The following XRRA1 variants were observed in gnomAD, a reference collection of about 807,000 sequenced individuals.
The protein encoded by XRRA1 is X-ray radiation resistance associated 1.
In XRRA1, 69 loss-of-function variants were observed where a neutral mutation model predicts 80.2. The observed-to-expected ratio is 0.86, with a 90% CI of 0.71 to 1.05. The LOEUF (loss-of-function observed/expected upper bound fraction) is 1.05. XRRA1 is among the 50% of genes least tolerant of loss of function. The probability of loss-of-function intolerance (pLI) is 0.00; values close to 1 mark genes in which losing one functional copy is unlikely to be tolerated. For missense variants in XRRA1, 967 were observed against 976.4 expected (o/e 0.99, Z 0.13); for synonymous variants, 348 against 389.9 (o/e 0.89, Z 1.27).
At chr11:74,934,414 CA>C (rs1374134849) in intron 4 of XRRA1, among the ~76,000 whole-genome samples, 1 of 151,968 alleles carries the variant, frequency 6.6e-6, no homozygotes, top group African/African-American at 2.4e-5. Context: ...ATTGGGAAGA[CA>C]ATGAAGAAAA....
At chr11:74,876,064 C>A (rs1292580848) in intron 10 of XRRA1, among the ~76,000 whole-genome samples, 1 of 152,166 alleles carries the variant, frequency 6.6e-6, no homozygotes, top group Admixed American at 6.5e-5. Flanking sequence ...AAAAGGCCTC[C>A]AAGGTAATAA....
chr11:74,930,834 C>T (rs1185272871), intron 5 of XRRA1, among the ~76,000 whole-genome samples: 2 of 152,154 alleles, frequency 1.3e-5, no homozygotes, highest in African/African-American at 4.8e-5. Flanking sequence ...GACAGGGTCT[C>T]ACTTCCATTG....
intron 10 of XRRA1, among the ~76,000 whole-genome samples, chr11:74,867,917 CT>C (rs60520990): frequency 9.4e-6 from 1 of 106,742 alleles, no homozygotes; most frequent in Non-Finnish European, 1.8e-5. Flanking sequence ...TATAGTCAAT[CT>C]TTTTTTTTTT....
intron 12 of XRRA1, among the ~76,000 whole-genome samples, chr11:74,855,901 G>A (rs1178395079): frequency 2.0e-5 from 3 of 152,192 alleles, no homozygotes; most frequent in African/African-American, 4.8e-5. Flanking sequence ...TTGGGAAGCT[G>A]AGGCAGGTGG....
intron 7 of XRRA1, among the ~76,000 whole-genome samples, chr11:74,924,436 T>C (rs1178853296): frequency 6.7e-6 from 1 of 148,164 alleles, no homozygotes; most frequent in African/African-American, 2.5e-5. Context: ...ATCGCGCCAC[T>C]GCACTCCAGC....
chr11:74,915,568 G>A (rs930989280), intron 8 of XRRA1, among the ~76,000 whole-genome samples: 1 of 152,138 alleles, frequency 6.6e-6, no homozygotes, highest in African/African-American at 2.4e-5. Context: ...AATTTCTAGA[G>A]GGATTATACA....
At chr11:74,933,637 G>A in intron 5 of XRRA1, 164 bp downstream of exon 5, 1 of 601,648 alleles carries the variant, frequency 1.7e-6, no homozygotes, top group Non-Finnish European at 3.0e-6. Flanking sequence ...TCTGAATATT[G>A]TTTCAACCCA....
At chr11:74,866,654 T>TAA (rs57326749) in intron 10 of XRRA1, among the ~76,000 whole-genome samples, 3,399 of 135,358 alleles carry the variant, frequency 0.025, 55 homozygotes, top group African/African-American at 0.038. Flanking sequence ...TTGAAATAAT[T>TAA]AAAAAAAAAA....
At chr11:74,927,016 A>C (rs949185547) in intron 7 of XRRA1, among the ~76,000 whole-genome samples, 1 of 151,956 alleles carries the variant, frequency 6.6e-6, no homozygotes, top group Non-Finnish European at 1.5e-5. Context: ...CTTAAGCTCC[A>C]TGGCTCCTCA....
Position 74,907,182 on chromosome 11 carries a change from T to G in XRRA1, c.748A>C (p.Asn250His). ...GCCAGGCTGGCAAAGCAACTGGGGT[T>G]GGAGAGTCTGTTGTCATCCAGCATC... ...TLMLDDNRLS[N>H]PSCFASLAGL... Residue 250 changes from asparagine (N) to histidine (H), a missense_variant, in exon 9 of 19, where the codon AAC becomes CAC. By Grantham distance (68) the Asn-to-His change is moderately conservative. Coordinates refer to ENST00000684022, the MANE Select transcript of XRRA1 (RefSeq NM_001378157.1). 1 of 1,613,988 alleles carries G rather than the reference T, an allele frequency of 6.2e-7. No individual in the cohort carries two copies.
At chr11:74,869,136 A>G (rs1244308641) in intron 10 of XRRA1, among the ~76,000 whole-genome samples, 1 of 152,192 alleles carries the variant, frequency 6.6e-6, no homozygotes, top group Non-Finnish European at 1.5e-5. Flanking sequence ...AAAAAATGAA[A>G]TCATACTAAC....
chr11:74,923,295 T>C (rs1317076970), intron 7 of XRRA1, among the ~76,000 whole-genome samples: 1 of 152,218 alleles, frequency 6.6e-6, no homozygotes, highest in Non-Finnish European at 1.5e-5. Context: ...AAGAAATGGC[T>C]TGATAGGACT....
chr11:74,893,938 T>C (rs1014106390), intron 10 of XRRA1, among the ~76,000 whole-genome samples: 8 of 152,226 alleles, frequency 5.3e-5, no homozygotes, highest in Non-Finnish European at 1.0e-4. Context: ...TACAAAGATA[T>C]ATGCACATGT....
rs35763136 is a variant in XRRA1, at chr11:74,918,299, A to AGTGTGTGT, written c.656+2907_656+2914dup. On this transcript the variant is annotated intron_variant, in intron 8 of 18. Transcript: ENST00000684022. Reference sequence around the variant, plus strand: ...TTCGTGTGCATTTTCTTCCTTCCTTAGTGTGTGTGTGTGTGTGTGTGTGTG... The same window carrying AGTGTGTGT: ...TTCGTGTGCATTTTCTTCCTTCCTTAGTGTGTGTGTGTGTGTGTGTGTGTGTGTGTGTG... Among the ~76,000 whole-genome samples the AGTGTGTGT allele has an allele frequency of 3.0e-3, 446 of 150,148 alleles. 1 individual carries two copies. Among genetic ancestry groups the AGTGTGTGT allele is most frequent in the Middle Eastern group, 7.0e-3 (2 of 284 alleles).
At chr11:74,896,162 T>C (rs2052261001) in intron 10 of XRRA1, among the ~76,000 whole-genome samples, 1 of 151,944 alleles carries the variant, frequency 6.6e-6, no homozygotes, top group African/African-American at 2.4e-5. Flanking sequence ...TAAAAGAGAG[T>C]TTGTCTTGCA....
chr11:74,930,317 T>C lies in XRRA1; in HGVS notation c.407A>G (p.Glu136Gly). Reference protein sequence around the residue: ...FHSVIYINASENLLPLEAFHT... With the variant: ...FHSVIYINASGNLLPLEAFHT... Reference sequence around the variant, plus strand: ...AAGCTTACCTAGAGGCAGCAGGTTTTCTGAGGCATTGATATAAATCACAGA... The same window carrying C: ...AAGCTTACCTAGAGGCAGCAGGTTTCCTGAGGCATTGATATAAATCACAGA... The change falls in exon 6 of 19, where the codon GAA (glutamate) becomes GGA (glycine). Residue 136 changes from glutamate to glycine, a missense_variant. Transcript: ENST00000684022. 6.4e-7 allele frequency: 1 copy of C among 1,571,422 alleles called. No homozygotes were observed. The highest frequency in any genetic ancestry group is 8.6e-7 in the Non-Finnish European group (1 of 1,156,730).
At position 74,906,255 on chromosome 11, in the gene XRRA1, CTT is replaced by C. The variant is rs774769539; in HGVS notation, c.985_986del (p.Lys329GlyfsTer3). The C allele has an allele frequency of 6.2e-7, 1 of 1,613,742 alleles. No homozygotes were observed. Among genetic ancestry groups the C allele is most frequent in the Non-Finnish European group, 8.5e-7 (1 of 1,179,786 alleles). On this transcript the variant is annotated frameshift_variant, in exon 10 of 19. Coordinates refer to ENST00000684022, the MANE Select transcript of XRRA1 (RefSeq NM_001378157.1). LOFTEE classifies it high-confidence loss of function. ...GTCACTCACCTGTCCGGTCAACATC[CTT>C]TTTCATGGGCAGTACAGTATAATCC... ...QLDYTVLPMK[K>X]DVDRTEVVFS...
At position 74,933,854 on chromosome 11, in the gene XRRA1, TCA is replaced by T. The variant is rs1944260101; in HGVS notation, c.296_297del (p.Val99GlufsTer10). 6.2e-7 allele frequency: 1 copy of T among 1,605,180 alleles called. No homozygotes were observed. Among genetic ancestry groups the T allele is most frequent in the South Asian group, 1.1e-5 (1 of 88,644 alleles). ...DQAFLLKHHC[V>X]RKPSDLCTIN... ...ATGGTGCACAGATCTGATGGCTTCC[TCA>T]CACAGTGGTGCTTCAGCTGGAACAT... On this transcript the variant is annotated frameshift_variant, in exon 5 of 19. Coordinates refer to ENST00000684022, the MANE Select transcript of XRRA1 (RefSeq NM_001378157.1). LOFTEE classifies it high-confidence loss of function.
At position 74,842,073 on chromosome 11, in the gene XRRA1, T is replaced by C. The variant is rs1261693665; in HGVS notation, c.*1127A>G. 6.6e-6 allele frequency: 1 copy of C among 152,184 alleles called. No individual in the cohort carries two copies. The highest frequency in any genetic ancestry group is 6.5e-5 in the Admixed American group (1 of 15,286). 9.4% of individuals were successfully genotyped at this position (152,184 alleles called of 1,614,324 possible). ...ACTCTTTGTACAAATATTATTGTCC[T>C]AAGGGCCTTTTCCCCTCCTGCCTAG... On this transcript the variant is annotated 3_prime_UTR_variant, in exon 19 of 19. Coordinates refer to ENST00000684022, the MANE Select transcript of XRRA1 (RefSeq NM_001378157.1).
Sources: gnomAD v4.1 joint callset for allele counts (sites outside exome capture counted in the v4.1 genomes callset) on GRCh38, gnomAD v4.1.1 for gene constraint, MANE v1.5 for transcripts, NCBI Gene and HGNC (gene_info 2026-07-23, HGNC 2026-07-21) for gene names.